Variants in RGS9 observed in about 807,000 individuals in gnomAD.
RGS9 encodes regulator of G protein signaling 9, also known as regulator of G-protein signalling 9.
In RGS9, 78 loss-of-function variants were observed where a neutral mutation model predicts 102.0. That is an observed-to-expected ratio of 0.76 (90% confidence interval 0.64 to 0.92). The LOEUF is 0.92. Among genes scored for constraint, RGS9 ranks in the 40% least tolerant of loss-of-function variants. The pLI, the probability that RGS9 is intolerant of heterozygous loss-of-function variation, is 0.00. For missense variants in RGS9, 833 were observed against 866.1 expected (o/e 0.96, Z 0.48); for synonymous variants, 353 against 318.6 (o/e 1.11, Z -1.15).
At chr17:65,180,850 T>C (rs1272425879) in intron 9 of RGS9, among the ~76,000 whole-genome samples, 1 of 152,212 alleles carries the variant, frequency 6.6e-6, no homozygotes, top group Non-Finnish European at 1.5e-5. Flanking sequence ...CTTCTTTGTG[T>C]CCTTGTGTAC....
chr17:65,146,914 A>G (rs1910387181), intron 1 of RGS9, among the ~76,000 whole-genome samples: 2 of 151,834 alleles, frequency 1.3e-5, no homozygotes, highest in African/African-American at 4.8e-5. Flanking sequence ...AAAAAAGAAA[A>G]TCAGGCACTT....
rs1399626722 is a variant in RGS9, at chr17:65,193,655, T to A, written c.859T>A (p.Leu287Met). The part of the protein sequence containing the change: ...DTQFWDLNAK[L>M]VEIPTKMRVE... ...CCAGTTCTGGGACTTAAATGCCAAATTGTATGTATTTTATATATTGGTGTT... is the reference window on the plus strand; with the variant it reads ...CCAGTTCTGGGACTTAAATGCCAAAATGTATGTATTTTATATATTGGTGTT... Residue 287 changes from leucine to methionine, a missense_variant and splice_region_variant, in exon 12 of 19, where the codon TTG (leucine) becomes ATG (methionine). Physicochemically the swap from Leu to Met is conservative, Grantham distance 15 (BLOSUM62 2). Around this residue, in one of 3 missense-constraint regions of RGS9, gnomAD observed 185 missense variants for 248.7 expected, o/e 0.74. Coordinates refer to ENST00000262406, the MANE Select transcript of RGS9 (RefSeq NM_003835.4). 1 of 1,592,762 alleles carries A rather than the reference T, an allele frequency of 6.3e-7. No homozygotes were observed. The highest frequency in any genetic ancestry group is 8.6e-7 in the Non-Finnish European group (1 of 1,160,506).
At chr17:65,199,826 T>A (rs1057313292) in intron 13 of RGS9, among the ~76,000 whole-genome samples, 5 of 146,422 alleles carry the variant, frequency 3.4e-5, no homozygotes, top group African/African-American at 1.3e-4. Context: ...GCATAATATT[T>A]CCTTCATTCC....
chr17:65,204,558 AAGAG>A (rs1912976821), intron 15 of RGS9, among the ~76,000 whole-genome samples: 1 of 152,074 alleles, frequency 6.6e-6, no homozygotes, highest in Non-Finnish European at 1.5e-5. Flanking sequence ...ATAAAAAAGA[AAGAG>A]AGAGAAAGAG....
intron 7 of RGS9, among the ~76,000 whole-genome samples, chr17:65,164,075 T>C (rs972956445): frequency 9.2e-5 from 14 of 152,056 alleles, no homozygotes; most frequent in Admixed American, 2.6e-4. Flanking sequence ...GATGCAGATA[T>C]TGGGGACAGG....
intron 17 of RGS9, among the ~76,000 whole-genome samples, chr17:65,214,254 C>T (rs1227235189): frequency 6.6e-6 from 1 of 152,210 alleles, no homozygotes; most frequent in African/African-American, 2.4e-5. Context: ...TGAACAATTG[C>T]ACCTGCCCCA....
chr17:65,183,315 G>T (rs56058698), intron 9 of RGS9, among the ~76,000 whole-genome samples: 9,325 of 152,152 alleles, frequency 0.061, 545 homozygotes, highest in African/African-American at 0.15. Flanking sequence ...TAGAGACAAG[G>T]TTGTGTCTTT....
rs751451414 is a variant in RGS9 at position 65,201,971 on chromosome 17, A to C, written c.977-22A>C. The C allele has an allele frequency of 2.6e-6, 4 of 1,556,284 alleles. No individual in the cohort carries two copies. In the South Asian group the frequency reaches 4.5e-5, roughly 17 times the overall value. Reference sequence around the variant, plus strand: ...CTTATTTCCTGCCCGGCCCTCATCCACGTGGACTTCTCACCATGCAGGAGA... The same window carrying C: ...CTTATTTCCTGCCCGGCCCTCATCCCCGTGGACTTCTCACCATGCAGGAGA... On this transcript the variant is annotated intron_variant, in intron 13 of 18. Coordinates refer to ENST00000262406, the MANE Select transcript of RGS9 (RefSeq NM_003835.4).
At chr17:65,146,507 G>A (rs552318823) in intron 1 of RGS9, among the ~76,000 whole-genome samples, 1 of 150,720 alleles carries the variant, frequency 6.6e-6, no homozygotes, top group Non-Finnish European at 1.5e-5. Context: ...AGAATCGCTT[G>A]AACCTGGGAG....
At chr17:65,225,598 C>T (rs1905629310) in intron 18 of RGS9, 112 bp downstream of exon 18, 1 of 1,469,888 alleles carries the variant, frequency 6.8e-7, no homozygotes, top group African/African-American at 1.4e-5. Context: ...AGAACAGATA[C>T]CCCAGGCAGC....
intron 2 of RGS9, among the ~76,000 whole-genome samples, chr17:65,157,697 C>T (rs1910818668): frequency 6.6e-6 from 1 of 152,108 alleles, no homozygotes; most frequent in Non-Finnish European, 1.5e-5. Context: ...GTCCCAACCT[C>T]CTACCCTGAC....
Position 65,177,783 on chromosome 17 carries a change from A to C in RGS9, c.634A>C (p.Asn212His). ...DYGLDRVTNP[N>H]EVKVNQKQTV... ...CGGCCTGGACCGAGTGACCAATCCG[A>C]ATGAAGTCAAGGTAAACCAGGTATG... Residue 212 changes from asparagine (N) to histidine (H), a missense_variant, in exon 9 of 19, where the codon AAT becomes CAT. Asn to His is a moderately conservative substitution (Grantham distance 68). Transcript: ENST00000262406. 6.2e-7 allele frequency: 1 copy of C among 1,614,226 alleles called. No individual in the cohort carries two copies.
intron 9 of RGS9, among the ~76,000 whole-genome samples, chr17:65,182,649 T>G (rs1012820627): frequency 6.6e-6 from 1 of 152,176 alleles, no homozygotes; most frequent in Non-Finnish European, 1.5e-5. Flanking sequence ...GAAAACAAAA[T>G]AGAGAGACAT....
At chr17:65,181,067 ATCCCATG>A (rs1276129338) in intron 9 of RGS9, among the ~76,000 whole-genome samples, 1 of 152,220 alleles carries the variant, frequency 6.6e-6, no homozygotes, top group Non-Finnish European at 1.5e-5. Flanking sequence ...ATTTAGGTTG[ATCCCATG>A]TCTTTGCTAT....
chr17:65,222,447 C>T (rs9916373), intron 17 of RGS9, among the ~76,000 whole-genome samples: 10,939 of 152,238 alleles, frequency 0.072, 477 homozygotes, highest in Middle Eastern at 0.13. Context: ...GGGTGGGAAT[C>T]CTACATGCCA....
At chr17:65,208,559 A>T (rs992479924) in intron 16 of RGS9, among the ~76,000 whole-genome samples, 1 of 152,170 alleles carries the variant, frequency 6.6e-6, no homozygotes, top group Admixed American at 6.5e-5. Context: ...TGGTAGAGCC[A>T]TTGGGACAAT....
chr17:65,196,932 G>A (rs565441009), intron 12 of RGS9, among the ~76,000 whole-genome samples, 194 bp from the exon 13 acceptor site: 5 of 152,328 alleles, frequency 3.3e-5, no homozygotes, highest in African/African-American at 1.2e-4. Context: ...TGTCTTTGAT[G>A]TGAGCCCCGG....
rs1491517554 is a variant in RGS9 at position 65,215,489 on chromosome 17, G to GTTCGTTCT, written c.1407+4887_1407+4888insGTTCTTTC. On this transcript the variant is annotated intron_variant, in intron 17 of 18. Coordinates refer to ENST00000262406, the MANE Select transcript of RGS9 (RefSeq NM_003835.4). ...TTCTTTCTTTCTCTATCTTTCTTTC[G>GTTCGTTCT]TTCTTTCGTTCTTTCTTTCTTTCTT... Among the ~76,000 whole-genome samples, 133 of 116,164 alleles carry GTTCGTTCT rather than the reference G, an allele frequency of 1.1e-3. 1 individual carries two copies. The highest frequency in any genetic ancestry group is 7.1e-3 in the South Asian group (24 of 3,362). The allele number at this position is 116,164 out of a possible 152,430, so 76.2% of individuals were successfully genotyped here.
At chr17:65,167,130 G>T (rs745841652) in intron 7 of RGS9, among the ~76,000 whole-genome samples, 1 of 152,172 alleles carries the variant, frequency 6.6e-6, no homozygotes. Context: ...AAGGCCCTGC[G>T]TCATTTCCCA....
Sources: allele counts gnomAD v4.1 joint callset (sites outside exome capture counted in the v4.1 genomes callset), GRCh38; gene constraint gnomAD v4.1.1; regional missense constraint gnomAD v4.1.1; transcripts MANE v1.5; gene names NCBI Gene and HGNC (gene_info 2026-07-23, HGNC 2026-07-21).